Variants in VWA3B observed in about 807,000 individuals in gnomAD.
VWA3B encodes the protein von Willebrand factor A domain containing 3B.
VWA3B carries 138 observed loss-of-function variants against 158.3 expected under a neutral mutation model. The ratio of observed to expected loss-of-function variants is 0.87; its 90% CI spans 0.76 to 1.00. VWA3B has a LOEUF of 1.00. Among genes scored for constraint, VWA3B ranks in the 50% least tolerant of loss-of-function variants. The probability of loss-of-function intolerance (pLI) is 0.00; values close to 1 mark genes in which losing one functional copy is unlikely to be tolerated. For missense variants in VWA3B, 1,555 were observed against 1,565.1 expected (o/e 0.99, Z 0.11); for synonymous variants, 596 against 587.3 (o/e 1.01, Z -0.21).
At chr2:98,131,844 C>T (rs1367801136) in intron 6 of VWA3B, among the ~76,000 whole-genome samples, 1 of 152,126 alleles carries the variant, frequency 6.6e-6, no homozygotes, top group Non-Finnish European at 1.5e-5. Flanking sequence ...ATAGCCGCAG[C>T]CCCAGGAATT....
Position 98,167,075 on chromosome 2 carries a change from C to A in VWA3B, c.1114+4099C>A, listed in dbSNP as rs117794474. Among the ~76,000 whole-genome samples, 711 of 152,230 alleles carry A rather than the reference C, an allele frequency of 4.7e-3. 16 individuals are homozygous for A. The East Asian group carries it at 0.08, about 17-fold the overall frequency. ...CTTGGAAGGCCTCCTAGGAAGGCAGCAGCTGTTCCCCTAAGCTGGCTGCTC... is the reference window on the plus strand; with the variant it reads ...CTTGGAAGGCCTCCTAGGAAGGCAGAAGCTGTTCCCCTAAGCTGGCTGCTC... On this transcript the variant is annotated intron_variant, in intron 8 of 27. Coordinates refer to ENST00000477737, the MANE Select transcript of VWA3B (RefSeq NM_144992.5).
intron 26 of VWA3B, among the ~76,000 whole-genome samples, chr2:98,304,496 G>A (rs753534992): frequency 4.6e-5 from 7 of 152,158 alleles, no homozygotes; most frequent in Non-Finnish European, 8.8e-5. Flanking sequence ...CTTGCAGGCT[G>A]TCTTTGGGTG....
chr2:98,201,412 A>G (rs1278178508), intron 12 of VWA3B, among the ~76,000 whole-genome samples: 1 of 152,106 alleles, frequency 6.6e-6, no homozygotes, highest in African/African-American at 2.4e-5. Context: ...GGGATTTCCA[A>G]TGATGTCATG....
chr2:98,207,198 A>G (rs1038349971), intron 12 of VWA3B: 21 of 549,640 alleles, frequency 3.8e-5, no homozygotes, highest in East Asian at 2.9e-4. Context: ...GCCACTACCA[A>G]GAGGAGATCT....
chr2:98,093,230 G>C lies in VWA3B; in HGVS notation c.138G>C (p.Lys46Asn), dbSNP rs779896387. The change falls in exon 2 of 28, where the codon AAG becomes AAC. Residue 46 changes from lysine to asparagine, a missense_variant. Lys to Asn is a moderately conservative substitution (Grantham distance 94). Coordinates refer to ENST00000477737, the MANE Select transcript of VWA3B (RefSeq NM_144992.5). Reference protein sequence around the residue: ...SEKWLQLHGLKSNKLTLKQIL... With the variant: ...SEKWLQLHGLNSNKLTLKQIL... ...AATGGCTTCAACTGCATGGGCTTAA[G>C]AGCAACAAATTGACCTTGAAACAGA... The C allele has an allele frequency of 6.2e-7, 1 of 1,614,132 alleles. No homozygotes were observed. Among genetic ancestry groups the C allele is most frequent in the Non-Finnish European group, 8.5e-7 (1 of 1,180,028 alleles).
Position 98,181,074 on chromosome 2 carries a change from G to A in VWA3B, c.1173G>A (p.Lys391=), listed in dbSNP as rs747764712. Residue 391 remains lysine, a synonymous_variant, in exon 9 of 28, where the codon AAG becomes AAA. Coordinates refer to ENST00000477737, the MANE Select transcript of VWA3B (RefSeq NM_144992.5). The stretch of plus-strand genomic sequence containing the variant: ...ATCCAGAAGACACCTGGGACTCTAA[G>A]ACATGGCTGCAGAAATATGGCTTGA... ...ASNPEDTWDS[K]TWLQKYGLKA... 5 of 1,614,230 alleles carry A rather than the reference G, an allele frequency of 3.1e-6. No homozygotes were observed. In the East Asian group the frequency reaches 1.1e-4, roughly 36 times the overall value.
intron 23 of VWA3B, among the ~76,000 whole-genome samples, chr2:98,293,924 C>A (rs567995574): frequency 1.3e-5 from 2 of 152,066 alleles, no homozygotes; most frequent in African/African-American, 4.8e-5. Context: ...GTCTCTAGCC[C>A]TCTTTGATCT....
chr2:98,265,065 T>C (rs982550011), intron 21 of VWA3B, among the ~76,000 whole-genome samples: 1 of 151,958 alleles, frequency 6.6e-6, no homozygotes, highest in African/African-American at 2.4e-5. Flanking sequence ...TATTATACTT[T>C]AAGTTTTAGG....
chr2:98,163,091 C>A, intron 8 of VWA3B, 115 bp downstream of exon 8: 1 of 1,505,418 alleles, frequency 6.6e-7, no homozygotes, highest in South Asian at 1.3e-5. Flanking sequence ...CTGCGAGGGG[C>A]TGCTGAGGAG....
chr2:98,329,278 C>G, the VWA3B span, among the ~76,000 whole-genome samples: 1 of 152,048 alleles, frequency 6.6e-6, no homozygotes, highest in African/African-American at 2.4e-5. Flanking sequence ...TGGAGGTAGG[C>G]TAATGTTTAT....
chr2:98,168,380 C>G (rs1679284527), intron 8 of VWA3B, among the ~76,000 whole-genome samples: 1 of 143,886 alleles, frequency 6.9e-6, no homozygotes, highest in African/African-American at 2.8e-5. Flanking sequence ...CACACATACA[C>G]ACACACACAC....
intron 24 of VWA3B, among the ~76,000 whole-genome samples, chr2:98,298,373 G>GTTTCT (rs1372602473): frequency 8.2e-6 from 1 of 122,258 alleles, no homozygotes; most frequent in Admixed American, 8.5e-5. Context: ...AACTACAAAA[G>GTTTCT]ATTCTATTCT....
chr2:98,143,839 C>T (rs1035055612), intron 7 of VWA3B, among the ~76,000 whole-genome samples: 1 of 151,384 alleles, frequency 6.6e-6, no homozygotes, highest in Admixed American at 6.6e-5. Flanking sequence ...CAGCCTCAAC[C>T]TCCTTTGCTC....
At chr2:98,321,165 A>G in the VWA3B span, among the ~76,000 whole-genome samples, 1 of 152,238 alleles carries the variant, frequency 6.6e-6, no homozygotes, top group African/African-American at 2.4e-5. Flanking sequence ...GGGTGCAAAG[A>G]AGTCAAGAAC....
chr2:98,092,995 G>A (rs554724339), intron 1 of VWA3B, 66 bp from the exon 2 acceptor site: 2 of 1,133,672 alleles, frequency 1.8e-6, no homozygotes, highest in South Asian at 1.6e-5. Flanking sequence ...TGTTAAGCCA[G>A]TCCCCTGTTG....
chr2:98,120,574 C>T (rs1573818220), intron 4 of VWA3B, among the ~76,000 whole-genome samples: 1 of 152,200 alleles, frequency 6.6e-6, no homozygotes, highest in African/African-American at 2.4e-5. Flanking sequence ...ATTCTCTACC[C>T]AGGAAGCACA....
chr2:98,246,574 G>T (rs1238769383), intron 19 of VWA3B, among the ~76,000 whole-genome samples: 1 of 151,856 alleles, frequency 6.6e-6, no homozygotes, highest in Non-Finnish European at 1.5e-5. Context: ...TAGAGACAGG[G>T]TTTCACCATG....
intron 22 of VWA3B, among the ~76,000 whole-genome samples, chr2:98,277,392 G>T (rs1454527849): frequency 6.6e-6 from 1 of 152,176 alleles, no homozygotes; most frequent in Non-Finnish European, 1.5e-5. Context: ...CTGGGAGCCT[G>T]GTCTAGGGCA....
intron 7 of VWA3B, among the ~76,000 whole-genome samples, chr2:98,162,457 C>T (rs989519929): frequency 7.9e-5 from 12 of 152,234 alleles, no homozygotes; most frequent in Non-Finnish European, 1.5e-4. Context: ...GGCTACATGG[C>T]GAAAGGATTA....
Sources: gnomAD v4.1 joint callset for allele counts (sites outside exome capture counted in the v4.1 genomes callset) on GRCh38, gnomAD v4.1.1 for gene constraint, MANE v1.5 for transcripts, NCBI Gene and HGNC (gene_info 2026-07-23, HGNC 2026-07-21) for gene names.